Variants in PSIP1 observed in about 807,000 individuals in gnomAD.
The protein encoded by PSIP1 is PC4 and SFRS1-interacting protein.
In PSIP1, 19 loss-of-function variants were observed where a neutral mutation model predicts 74.7. The observed-to-expected ratio is 0.25, with a 90% CI of 0.18 to 0.37. The LOEUF is 0.37. PSIP1 is among the 10% of genes least tolerant of loss of function. The probability of loss-of-function intolerance (pLI) is 1.00; values close to 1 mark genes in which losing one functional copy is unlikely to be tolerated. For synonymous variants in PSIP1, 222 were observed against 195.3 expected (o/e 1.14, Z -1.14); for missense variants, 601 against 614.3 (o/e 0.98, Z 0.23).
chr9:15,500,204 C>T (rs572261564), intron 3 of PSIP1, among the ~76,000 whole-genome samples: 5 of 152,270 alleles, frequency 3.3e-5, no homozygotes, highest in African/African-American at 7.2e-5. Flanking sequence ...TGGTGGCTCA[C>T]GCCTGTAATC....
chr9:15,468,933 T>C, intron 13 of PSIP1, 24 bp downstream of exon 13: 1 of 1,608,226 alleles, frequency 6.2e-7, no homozygotes, highest in Non-Finnish European at 8.5e-7. Context: ...ATTCAAAGAA[T>C]CCACATGACT....
At chr9:15,467,543 T>C (rs1463628364) in intron 14 of PSIP1, among the ~76,000 whole-genome samples, 2 of 152,182 alleles carry the variant, frequency 1.3e-5, no homozygotes, top group African/African-American at 2.4e-5. Flanking sequence ...AGTGAAATGG[T>C]ATGTCAGGGA....
intron 12 of PSIP1, 44 bp downstream of exon 12, chr9:15,469,222 C>A: frequency 7.4e-7 from 1 of 1,354,800 alleles, no homozygotes; most frequent in Middle Eastern, 1.9e-4. Context: ...AAAGATGAAG[C>A]TATAAATGCA....
intron 3 of PSIP1, among the ~76,000 whole-genome samples, chr9:15,496,320 C>T (rs879620821): frequency 6.6e-6 from 1 of 152,216 alleles, no homozygotes; most frequent in Non-Finnish European, 1.5e-5. Context: ...ATATACCCTT[C>T]TCTCTTCAAG....
At chr9:15,467,833 C>CT (rs1563863909) in intron 14 of PSIP1, among the ~76,000 whole-genome samples, 1 of 152,104 alleles carries the variant, frequency 6.6e-6, no homozygotes, top group Non-Finnish European at 1.5e-5. Context: ...CTTTGTAAGA[C>CT]TTTATCACCA....
In PSIP1 at chr9:15,464,751, TAA is replaced by T. The variant is rs2132021200; in HGVS notation, c.*767_*768del. 4.9e-6 allele frequency: 1 copy of T among 205,096 alleles called. No homozygotes were observed. Among genetic ancestry groups the T allele is most frequent in the East Asian group, 7.6e-5 (1 of 13,234 alleles). The allele number at this position is 205,096 out of a possible 1,614,324, so 12.7% of individuals were successfully genotyped here. A position where few individuals can be genotyped will look rare whatever the true frequency, so the allele number is the denominator to read the frequency against. On this transcript the variant is annotated 3_prime_UTR_variant, in exon 16 of 16. Transcript: ENST00000380733. ...CTAGTGCCTGCCTATAAAAGGACCTTAAATGATTTAACCCTAAAGCCAGATTC... is the reference window on the plus strand; with the variant it reads ...CTAGTGCCTGCCTATAAAAGGACCTTATGATTTAACCCTAAAGCCAGATTC...
At chr9:15,471,983 A>G (rs571079974) in intron 10 of PSIP1, 2 of 973,728 alleles carry the variant, frequency 2.1e-6, no homozygotes, top group Non-Finnish European at 2.4e-6. Context: ...AATGTAATAA[A>G]GACACGAAGT....
intron 3 of PSIP1, among the ~76,000 whole-genome samples, chr9:15,504,597 C>T (rs374489946): frequency 7.9e-5 from 12 of 151,942 alleles, no homozygotes; most frequent in African/African-American, 1.2e-4. Context: ...ATTAGCCTGG[C>T]GTGGTGGCAG....
intron 8 of PSIP1, among the ~76,000 whole-genome samples, chr9:15,474,956 AAT>A (rs2036011702): frequency 6.6e-6 from 1 of 152,210 alleles, no homozygotes; most frequent in African/African-American, 2.4e-5. Flanking sequence ...TATTCAATTA[AAT>A]CAATGAATTT....
intron 3 of PSIP1, among the ~76,000 whole-genome samples, chr9:15,502,857 T>C (rs368009895): frequency 2.6e-5 from 4 of 152,322 alleles, no homozygotes; most frequent in East Asian, 3.9e-4. Flanking sequence ...CTGTCTAATA[T>C]TCAAAACTTG....
intron 15 of PSIP1, 87 bp downstream of exon 15, chr9:15,466,661 T>TTA (rs1326293032): frequency 1.6e-5 from 16 of 1,019,744 alleles, no homozygotes; most frequent in Admixed American, 5.8e-5. Flanking sequence ...TAACTGCTTA[T>TTA]TATAGTAAGA....
At chr9:15,503,113 T>A (rs2037419401) in intron 3 of PSIP1, among the ~76,000 whole-genome samples, 2 of 152,226 alleles carry the variant, frequency 1.3e-5, no homozygotes, top group African/African-American at 4.8e-5. Flanking sequence ...ATACCTGTAA[T>A]CCCAGCACTT....
At chr9:15,496,437 A>C (rs530110630) in intron 3 of PSIP1, among the ~76,000 whole-genome samples, 3 of 152,252 alleles carry the variant, frequency 2.0e-5, no homozygotes, top group African/African-American at 7.2e-5. Flanking sequence ...TTTGTCTCAC[A>C]AAATAAGACA....
chr9:15,489,934 T>C (rs375966843), intron 4 of PSIP1, 52 bp downstream of exon 4: 2 of 1,380,528 alleles, frequency 1.4e-6, no homozygotes, highest in South Asian at 1.5e-5. Context: ...AGGATAGTGA[T>C]TATTCCCCAG....
chr9:15,488,155 CCCA>C (rs1324657210), intron 4 of PSIP1, among the ~76,000 whole-genome samples: 1 of 150,420 alleles, frequency 6.6e-6, no homozygotes, highest in African/African-American at 2.5e-5. Flanking sequence ...ATGGTGAAAC[CCCA>C]TCTCTACTAA....
rs757963824 is a variant in PSIP1 at position 15,490,106 on chromosome 9, C to T, written c.168G>A (p.Lys56=). ...GTHETAFLGP[K]DIFPYSENKE... ...TATTTTCTGAGTAAGGAAATATATC[C>T]TTTGGTCCTAAAAAAGCACTAAAAA... The change falls in exon 4 of 16, where the codon AAG becomes AAA. Residue 56 remains lysine, a synonymous_variant. Transcript: ENST00000380733. 1.0e-5 allele frequency: 16 copies of T among 1,587,974 alleles called. No individual in the cohort carries two copies. The highest frequency in any genetic ancestry group is 1.4e-5 in the Non-Finnish European group (16 of 1,171,576).
At chr9:15,476,675 G>A (rs974604679) in intron 8 of PSIP1, among the ~76,000 whole-genome samples, 2 of 152,174 alleles carry the variant, frequency 1.3e-5, no homozygotes, top group African/African-American at 2.4e-5. Context: ...TAAACTCAAA[G>A]TATCTGTTAT....
At chr9:15,483,561 ATTTT>A (rs1191315109) in intron 6 of PSIP1, among the ~76,000 whole-genome samples, 2 of 152,010 alleles carry the variant, frequency 1.3e-5, no homozygotes, top group African/African-American at 4.8e-5. Context: ...TTAAATATTT[ATTTT>A]TTGTCTAAAA....
chr9:15,480,841 A>T (rs1339640514), intron 6 of PSIP1, among the ~76,000 whole-genome samples: 1 of 152,110 alleles, frequency 6.6e-6, no homozygotes, highest in Non-Finnish European at 1.5e-5. Flanking sequence ...AATTGCTGGA[A>T]CTCAGGGGGC....
Sources: allele counts gnomAD v4.1 joint callset (sites outside exome capture counted in the v4.1 genomes callset), GRCh38; gene constraint gnomAD v4.1.1; transcripts MANE v1.5; gene names NCBI Gene and HGNC (gene_info 2026-07-23, HGNC 2026-07-21).